The following LRRD1 variants were observed in gnomAD, a reference collection of about 807,000 sequenced individuals.
The protein encoded by LRRD1 is leucine-rich repeat and death domain-containing protein 1.
LRRD1 carries 49 observed loss-of-function variants against 69.5 expected under a neutral mutation model. That is an observed-to-expected ratio of 0.70 (90% CI 0.56 to 0.89). The LOEUF is 0.89. LRRD1 is among the 40% of genes least tolerant of loss of function. LRRD1 has a pLI of 0.00. For missense variants in LRRD1, 853 were observed against 956.0 expected (o/e 0.89, Z 1.42); for synonymous variants, 303 against 338.9 (o/e 0.89, Z 1.16).
rs1820278169 is a variant in LRRD1, at chr7:92,144,902, CACGCGTAAAA to C, written c.2559_2568del (p.Phe854GlnfsTer13). ...TGATCCACTGGTTAGAATTTAATTGCACGCGTAAAAAGATTTAAAGCTGTTATTTTGTCCA... is the reference window on the plus strand; with the variant it reads ...TGATCCACTGGTTAGAATTTAATTGCAGATTTAAAGCTGTTATTTTGTCCA... On this transcript the variant is annotated frameshift_variant, in exon 6 of 6. Coordinates refer to ENST00000458448, the MANE Select transcript of LRRD1 (RefSeq NM_001161528.2). LOFTEE classifies it high-confidence loss of function. 1 of 1,490,078 alleles carries C rather than the reference CACGCGTAAAA, an allele frequency of 6.7e-7. No individual in the cohort carries two copies. The highest frequency in any genetic ancestry group is 1.4e-5 in the African/African-American group (1 of 71,738). 92.3% of individuals were successfully genotyped at this position (1,490,078 alleles called of 1,614,324 possible).
Position 92,176,904 on chromosome 7 carries a change from T to A in LRRD1, c.-75+2103A>T, listed in dbSNP as rs914975444. 1.1e-4 allele frequency among the ~76,000 whole-genome samples: 17 copies of A among 150,934 alleles called. 1 individual carries two copies. Among genetic ancestry groups the A allele is most frequent in the African/African-American group, 3.6e-4 (15 of 41,278 alleles). ...AAGCATGAGGCATTTCTTGGATAAG[T>A]CAAACTTGGTTATGATATAATACTT... On this transcript the variant is annotated intron_variant, in intron 1 of 5. Coordinates refer to ENST00000458448, the MANE Select transcript of LRRD1 (RefSeq NM_001161528.2).
intron 3 of LRRD1, among the ~76,000 whole-genome samples, chr7:92,155,311 T>G (rs377096519): frequency 3.9e-5 from 6 of 152,338 alleles, no homozygotes; most frequent in African/African-American, 1.2e-4. Context: ...AGGGAGCACA[T>G]GCAGTGAATG....
chr7:92,144,885 TG>T lies in LRRD1; in HGVS notation c.*2del. On this transcript the variant is annotated 3_prime_UTR_variant, in exon 6 of 6. Transcript: ENST00000458448. Reference sequence around the variant, plus strand: ...TTTTCAGTTTTTATTATTGATCCACTGGTTAGAATTTAATTGCACGCGTAAA... The same window carrying T: ...TTTTCAGTTTTTATTATTGATCCACTGTTAGAATTTAATTGCACGCGTAAA... 1 of 1,451,316 alleles carries T rather than the reference TG, an allele frequency of 6.9e-7. No individual in the cohort carries two copies. Among genetic ancestry groups the T allele is most frequent in the Non-Finnish European group, 9.2e-7 (1 of 1,088,330 alleles). 89.9% of individuals were successfully genotyped at this position (1,451,316 alleles called of 1,614,324 possible).
intron 3 of LRRD1, 29 bp from the exon 4 acceptor site, chr7:92,150,724 C>T (rs1563189086): frequency 2.8e-6 from 4 of 1,451,490 alleles, no homozygotes; most frequent in Non-Finnish European, 3.7e-6. Flanking sequence ...AATTGAATTA[C>T]ATCTTTCTAT....
chr7:92,160,677 G>A (rs1788777504), intron 2 of LRRD1, among the ~76,000 whole-genome samples: 1 of 152,142 alleles, frequency 6.6e-6, no homozygotes, highest in South Asian at 2.1e-4. Flanking sequence ...GCTGGACGTG[G>A]AGGTGAGTGC....
At chr7:92,174,200 T>C (rs1789115033) in intron 1 of LRRD1, among the ~76,000 whole-genome samples, 2 of 151,468 alleles carry the variant, frequency 1.3e-5, no homozygotes, top group African/African-American at 4.9e-5. Flanking sequence ...TGAGGAGAGG[T>C]TGATTAATAG....
Position 92,163,966 on chromosome 7 carries a change from A to C in LRRD1, c.1237T>G (p.Tyr413Asp). 1 of 1,532,762 alleles carries C rather than the reference A, an allele frequency of 6.5e-7. No homozygotes were observed. Among genetic ancestry groups the C allele is most frequent in the Non-Finnish European group, 8.8e-7 (1 of 1,140,514 alleles). 94.9% of individuals were successfully genotyped at this position (1,532,762 alleles called of 1,614,324 possible). ...SDNKLTELPK[Y>D]IHKLNNLRKL... ...CTTAAATTGTTAAGCTTATGGATGT[A>C]CTTAGGGAGTTCTGTTAATTTATTA... Residue 413 changes from tyrosine (Y) to aspartate (D), a missense_variant, in exon 2 of 6, where the codon TAC becomes GAC. Coordinates refer to ENST00000458448, the MANE Select transcript of LRRD1 (RefSeq NM_001161528.2).
downstream of LRRD1, among the ~76,000 whole-genome samples, chr7:92,143,173 C>T (rs1480264371): frequency 6.6e-6 from 1 of 152,094 alleles, no homozygotes; most frequent in Non-Finnish European, 1.5e-5. Flanking sequence ...GAGCTAGACA[C>T]AGGGTGCTGA....
At position 92,163,283 on chromosome 7, in the gene LRRD1, T is replaced by C. The variant is rs1415311945; in HGVS notation, c.1917+3A>G. 1 of 1,448,596 alleles carries C rather than the reference T, an allele frequency of 6.9e-7. No homozygotes were observed. The highest frequency in any genetic ancestry group is 9.1e-7 in the Non-Finnish European group (1 of 1,100,394). The allele number at this position is 1,448,596 out of a possible 1,614,324, so 89.7% of individuals were successfully genotyped here. ...CACAAAGCCCACAATACCAGTCTCTTACCTTTCTCCCTTTTATCTGACTTA... is the reference window on the plus strand; with the variant it reads ...CACAAAGCCCACAATACCAGTCTCTCACCTTTCTCCCTTTTATCTGACTTA... On this transcript the variant is annotated splice_donor_region_variant and intron_variant, in intron 2 of 5. Transcript: ENST00000458448.
At position 92,145,014 on chromosome 7, in the gene LRRD1, G is replaced by T; in HGVS notation, c.2457C>A (p.Asn819Lys). The change falls in exon 6 of 6, where the codon AAC (asparagine) becomes AAA (lysine). Residue 819 changes from asparagine to lysine, a missense_variant. By Grantham distance (94) the Asn-to-Lys change is moderately conservative. This residue lies in a region of LRRD1 where 739 missense variants were observed against 808.0 expected (regional missense o/e 0.91). Transcript: ENST00000458448. ...AAGCAGCAGCAGTTAGTGATAACTT[G>T]TTACTTTGTGTTTTCCATATAACAA... ...QALVIWKTQSNKLSLTAAALR... is the reference protein window; with the variant it reads ...QALVIWKTQSKKLSLTAAALR... 6.5e-7 allele frequency: 1 copy of T among 1,534,742 alleles called. No homozygotes were observed. Among genetic ancestry groups the T allele is most frequent in the African/African-American group, 1.4e-5 (1 of 73,008 alleles).
chr7:92,176,942 G>A lies in LRRD1; in HGVS notation c.-75+2065C>T, dbSNP rs1340238557. On this transcript the variant is annotated intron_variant, in intron 1 of 5. Coordinates refer to ENST00000458448, the MANE Select transcript of LRRD1 (RefSeq NM_001161528.2). Reference sequence around the variant, plus strand: ...TGATATAATACTTGTGTGTTTGTGTGTGTATATATATATATATATAAAACA... The same window carrying A: ...TGATATAATACTTGTGTGTTTGTGTATGTATATATATATATATATAAAACA... Among the ~76,000 whole-genome samples the A allele has an allele frequency of 2.0e-5, 3 of 148,244 alleles. No homozygotes were observed. In the East Asian group the frequency reaches 5.9e-4, roughly 29 times the overall value.
In LRRD1 at chr7:92,163,831, T is replaced by G; in HGVS notation, c.1372A>C (p.Ile458Leu). 1 of 1,499,702 alleles carries G rather than the reference T, an allele frequency of 6.7e-7. No homozygotes were observed. Among genetic ancestry groups the G allele is most frequent in the African/African-American group, 1.4e-5 (1 of 70,508 alleles). 92.9% of individuals were successfully genotyped at this position (1,499,702 alleles called of 1,614,324 possible). A position where few individuals can be genotyped will look rare whatever the true frequency, so the allele number is the denominator to read the frequency against. Residue 458 changes from isoleucine to leucine, a missense_variant, in exon 2 of 6, where the codon ATT becomes CTT. By Grantham distance (5) the Ile-to-Leu change is conservative (BLOSUM62 2). Coordinates refer to ENST00000458448, the MANE Select transcript of LRRD1 (RefSeq NM_001161528.2). ...ATTTTTTGGCAGTTTTTTATTTCAA[T>G]GGGAACATCTGTGATTATGTTTCCT... ...FSGNIITDVP[I>L]EIKNCQKIIK... is the part of the protein sequence containing the mutation.
chr7:92,159,762 C>T (rs1343427796), intron 2 of LRRD1, among the ~76,000 whole-genome samples: 1 of 151,912 alleles, frequency 6.6e-6, no homozygotes, highest in Non-Finnish European at 1.5e-5. Flanking sequence ...CCTGGGATCA[C>T]AGGTGCCCAG....
intron 1 of LRRD1, among the ~76,000 whole-genome samples, chr7:92,170,991 G>C (rs556777739): frequency 1.3e-5 from 2 of 152,204 alleles, no homozygotes; most frequent in East Asian, 3.9e-4. Flanking sequence ...AAAGTTTCTT[G>C]AAACAAATGA....
At chr7:92,143,270 TC>T (rs1422325601), downstream of LRRD1, among the ~76,000 whole-genome samples, 1 of 152,048 alleles carries the variant, frequency 6.6e-6, no homozygotes, top group Non-Finnish European at 1.5e-5. Flanking sequence ...GTTCTCCAAG[TC>T]CCCACCAGAC....
At position 92,179,092 on chromosome 7, in the gene LRRD1, G is replaced by C. The variant is rs1479218920; in HGVS notation, c.-160C>G. The C allele has an allele frequency of 6.6e-6, 1 of 152,268 alleles. No homozygotes were observed. The highest frequency in any genetic ancestry group is 1.5e-5 in the Non-Finnish European group (1 of 68,058). The allele number at this position is 152,268 out of a possible 1,614,324, so 9.4% of individuals were successfully genotyped here. ...GAGTCCAGCAATTGCGAGGACCTCCGCAGGCGCAGCCCAGCACTGACGCCT... is the reference window on the plus strand; with the variant it reads ...GAGTCCAGCAATTGCGAGGACCTCCCCAGGCGCAGCCCAGCACTGACGCCT... On this transcript the variant is annotated 5_prime_UTR_variant, in exon 1 of 6. Transcript: ENST00000458448.
At chr7:92,161,101 T>C (rs1788787303) in intron 2 of LRRD1, among the ~76,000 whole-genome samples, 1 of 152,210 alleles carries the variant, frequency 6.6e-6, no homozygotes. Flanking sequence ...CAACATTTAC[T>C]AGAGGTGGTG....
intron 1 of LRRD1, among the ~76,000 whole-genome samples, chr7:92,174,890 C>T (rs762690702): frequency 6.6e-6 from 1 of 151,266 alleles, no homozygotes; most frequent in Non-Finnish European, 1.5e-5. Flanking sequence ...GGAGAAACCC[C>T]GTCTCTACTA....
chr7:92,159,135 T>G lies in LRRD1; in HGVS notation c.1986A>C (p.Ala662=). 1 of 1,546,968 alleles carries G rather than the reference T, an allele frequency of 6.5e-7. No individual in the cohort carries two copies. Among genetic ancestry groups the G allele is most frequent in the Non-Finnish European group, 8.7e-7 (1 of 1,145,372 alleles). ...QLKELDISNN[A]IREIPRNIGE... Reference sequence around the variant, plus strand: ...CTATATTTCTTGGAATCTCTCTGATTGCATTATTTGAGATATCAAGTTCTT... The same window carrying G: ...CTATATTTCTTGGAATCTCTCTGATGGCATTATTTGAGATATCAAGTTCTT... Residue 662 remains alanine (A), a synonymous_variant, in exon 3 of 6, where the codon GCA becomes GCC. Coordinates refer to ENST00000458448, the MANE Select transcript of LRRD1 (RefSeq NM_001161528.2).
Sources: gnomAD v4.1 joint callset for allele counts (sites outside exome capture counted in the v4.1 genomes callset) on GRCh38, gnomAD v4.1.1 for gene constraint, gnomAD v4.1.1 regional missense constraint, MANE v1.5 for transcripts, NCBI Gene and HGNC (gene_info 2026-07-23, HGNC 2026-07-21) for gene names.